The following C2orf78 variants were observed in gnomAD, a reference collection of about 807,000 sequenced individuals.
C2orf78 encodes the protein chromosome 2 open reading frame 78, also known as uncharacterized protein C2orf78.
Under a neutral mutation model 21.4 loss-of-function variants are expected in C2orf78, and 12 were observed. The observed-to-expected ratio is 0.56, with a 90% CI of 0.36 to 0.91. The LOEUF is 0.91. Among genes scored for constraint, C2orf78 ranks in the 40% least tolerant of loss-of-function variants. The pLI, the probability that C2orf78 is intolerant of heterozygous loss-of-function variation, is 0.01. For missense variants in C2orf78, 1,042 were observed against 1,092.4 expected (o/e 0.95, Z 0.65); for synonymous variants, 396 against 413.9 (o/e 0.96, Z 0.52).
intron 1 of C2orf78, among the ~76,000 whole-genome samples, chr2:73,811,874 C>A (rs968475613): frequency 9.2e-5 from 14 of 152,148 alleles, no homozygotes; most frequent in African/African-American, 3.4e-4. Context: ...GGATTAATAC[C>A]TGTCATTTGC....
chr2:73,786,156 G>T (rs1056894880), intron 1 of C2orf78, among the ~76,000 whole-genome samples: 1 of 152,000 alleles, frequency 6.6e-6, no homozygotes, highest in Admixed American at 6.6e-5. Flanking sequence ...GACGCAGGCG[G>T]ATTGCCTGAG....
chr2:73,811,383 G>C (rs1443541928), intron 1 of C2orf78, among the ~76,000 whole-genome samples: 2 of 152,090 alleles, frequency 1.3e-5, no homozygotes. Context: ...GCAGTGTGCT[G>C]TTTCTAATTT....
At chr2:73,786,066 G>C (rs1331163109) in intron 1 of C2orf78, among the ~76,000 whole-genome samples, 2 of 151,730 alleles carry the variant, frequency 1.3e-5, no homozygotes, top group Non-Finnish European at 2.9e-5. Context: ...AAAAAAGAAA[G>C]AGAGAAATAT....
intron 1 of C2orf78, among the ~76,000 whole-genome samples, chr2:73,809,612 C>T (rs553436146): frequency 2.0e-5 from 3 of 151,704 alleles, no homozygotes; most frequent in African/African-American, 4.8e-5. Context: ...ATGGCAAGAC[C>T]CCATCTCTAC....
rs139705863 is a variant in C2orf78, at chr2:73,784,203, A to T, written c.-107A>T. ...ACATCATTCTCCCACCAAACCGACC[A>T]CCACCTGGTAGCATCTTGGGGTTTC... On this transcript the variant is annotated 5_prime_UTR_variant, in exon 1 of 3. Transcript: ENST00000409561. 6.7e-6 allele frequency: 10 copies of T among 1,501,958 alleles called. No individual in the cohort carries two copies. In the East Asian group the frequency reaches 1.3e-4, roughly 19 times the overall value. 93.0% of individuals were successfully genotyped at this position (1,501,958 alleles called of 1,614,324 possible). A position where few individuals can be genotyped will look rare whatever the true frequency, so the allele number is the denominator to read the frequency against.
chr2:73,816,465 G>A, exon 3 of C2orf78: 1 of 1,613,938 alleles, frequency 6.2e-7, no homozygotes, highest in South Asian at 1.1e-5. Context: ...TAGGCCTGCT[G>A]TGGCTTACCC....
At chr2:73,798,320 T>C (rs1490297297) in intron 1 of C2orf78, among the ~76,000 whole-genome samples, 2 of 34,834 alleles carry the variant, frequency 5.7e-5, no homozygotes, top group Non-Finnish European at 1.1e-4. Flanking sequence ...CCGGCTGAAG[T>C]GGCAGGCGCC....
rs187989013 is a variant in C2orf78, at chr2:73,813,589, C to T, written c.210C>T (p.Ala70=). The change falls in exon 2 of 3, where the codon GCC becomes GCT. Residue 70 remains alanine, a synonymous_variant. Transcript: ENST00000409561. ...GAAGCATCTCCAACTTCTCCAGAGCCTCTGCTCCAGCCATCAGCTCAGCAT... is the reference window on the plus strand; with the variant it reads ...GAAGCATCTCCAACTTCTCCAGAGCTTCTGCTCCAGCCATCAGCTCAGCAT... 92 of 1,614,052 alleles carry T rather than the reference C, an allele frequency of 5.7e-5. No individual in the cohort carries two copies. In the East Asian group the frequency reaches 2.0e-3, roughly 35 times the overall value.
In C2orf78 at chr2:73,813,372, T is replaced by G. The variant is rs1673126526; in HGVS notation, c.98-105T>G. ...TTGGTATCTCAGTGAGTATTGGTAT[T>G]AGAGGCTTCCTGATTGCAACAACCT... On this transcript the variant is annotated intron_variant, in intron 1 of 2. Coordinates refer to ENST00000409561, the Ensembl canonical transcript of C2orf78. 5 of 1,195,382 alleles carry G rather than the reference T, an allele frequency of 4.2e-6. No individual in the cohort carries two copies. In the Admixed American group the frequency reaches 1.4e-4, roughly 34 times the overall value. 74.0% of individuals were successfully genotyped at this position (1,195,382 alleles called of 1,614,324 possible). A position where few individuals can be genotyped will look rare whatever the true frequency, so the allele number is the denominator to read the frequency against.
chr2:73,814,725 A>G (rs574010357), intron 2 of C2orf78, among the ~76,000 whole-genome samples: 11 of 152,208 alleles, frequency 7.2e-5, no homozygotes, highest in Non-Finnish European at 1.2e-4. Context: ...ACCCTAGTCC[A>G]TGGTGTAAAC....
chr2:73,815,729 C>T, exon 3 of C2orf78: 4 of 1,613,596 alleles, frequency 2.5e-6, no homozygotes, highest in South Asian at 1.1e-5. Flanking sequence ...TCAGGAAGAA[C>T]AAGCATAAAG....
chr2:73,812,566 C>A (rs973774663), intron 1 of C2orf78, among the ~76,000 whole-genome samples: 1 of 151,924 alleles, frequency 6.6e-6, no homozygotes, highest in Non-Finnish European at 1.5e-5. Flanking sequence ...TTTGGGACAC[C>A]GAGGCAGGCA....
At chr2:73,813,801 C>T in exon 2 of C2orf78, 1 of 1,614,030 alleles carries the variant, frequency 6.2e-7, no homozygotes, top group Non-Finnish European at 8.5e-7. Flanking sequence ...AAGTCATCCT[C>T]ACTCAGGGAC....
Position 73,817,053 on chromosome 2 carries a change from C to A in C2orf78, c.*61C>A, listed in dbSNP as rs914334992. ...GGTTTTCCACATATATAGATAGATA[C>A]TAATTTATTTATTCTGATATATTTT... On this transcript the variant is annotated 3_prime_UTR_variant, in exon 3 of 3. Coordinates refer to ENST00000409561, the Ensembl canonical transcript of C2orf78. 4 of 1,421,110 alleles carry A rather than the reference C, an allele frequency of 2.8e-6. No homozygotes were observed. The African/African-American group carries it at 4.3e-5, about 15-fold the overall frequency. The allele number at this position is 1,421,110 out of a possible 1,614,324, so 88.0% of individuals were successfully genotyped here.
At chr2:73,814,696 G>T (rs1379355074) in intron 2 of C2orf78, among the ~76,000 whole-genome samples, 1 of 152,172 alleles carries the variant, frequency 6.6e-6, no homozygotes, top group Admixed American at 6.5e-5. Context: ...TCATGAGGAA[G>T]GGCTCCACTC....
At chr2:73,812,947 A>G (rs765519698) in intron 1 of C2orf78, among the ~76,000 whole-genome samples, 3 of 152,208 alleles carry the variant, frequency 2.0e-5, no homozygotes, top group Non-Finnish European at 2.9e-5. Flanking sequence ...AAAAAATGCC[A>G]TATTAAAAGT....
intron 1 of C2orf78, among the ~76,000 whole-genome samples, chr2:73,785,889 A>T (rs1558538881): frequency 6.6e-6 from 1 of 152,100 alleles, no homozygotes; most frequent in East Asian, 1.9e-4. Context: ...TCTACTAAAA[A>T]TACCAAATTA....
chr2:73,785,819 G>A (rs1672915862), intron 1 of C2orf78, among the ~76,000 whole-genome samples: 1 of 151,954 alleles, frequency 6.6e-6, no homozygotes, highest in Non-Finnish European at 1.5e-5. Context: ...GGCCGAGGTG[G>A]GCTGATCACC....
At chr2:73,814,170 C>G (rs368182537) in exon 2 of C2orf78, 51 of 1,606,782 alleles carry the variant, frequency 3.2e-5, no homozygotes, top group Non-Finnish European at 4.3e-5. Context: ...CCAGTCTCTA[C>G]TTCTGGGATG....
Sources: gnomAD v4.1 joint callset for allele counts (sites outside exome capture counted in the v4.1 genomes callset) on GRCh38, gnomAD v4.1.1 for gene constraint, MANE v1.5 for transcripts, NCBI Gene and HGNC (gene_info 2026-07-23, HGNC 2026-07-21) for gene names.